Variants in FHIP2A observed in about 807,000 individuals in gnomAD.
FHIP2A encodes the protein FHF complex subunit HOOK interacting protein 2A.
FHIP2A carries 46 observed loss-of-function variants against 93.5 expected under a neutral mutation model. The observed-to-expected ratio is 0.49, with a 90% CI of 0.39 to 0.63. The LOEUF (loss-of-function observed/expected upper bound fraction) is 0.63. Among genes scored for constraint, FHIP2A ranks in the 20% least tolerant of loss-of-function variants. The pLI is 0.00. For synonymous variants in FHIP2A, 332 were observed against 326.5 expected (o/e 1.02, Z -0.18); for missense variants, 769 against 909.7 (o/e 0.85, Z 1.99).
At chr10:114,894,146 T>C (rs936098217) in intron 16 of FHIP2A, among the ~76,000 whole-genome samples, 4 of 152,188 alleles carry the variant, frequency 2.6e-5, no homozygotes, top group Non-Finnish European at 1.5e-5. Flanking sequence ...TGAGTTCTTC[T>C]TTTATGATTC....
chr10:114,828,278 A>G (rs1374397904), intron 1 of FHIP2A, among the ~76,000 whole-genome samples: 2 of 152,196 alleles, frequency 1.3e-5, no homozygotes, highest in African/African-American at 4.8e-5. Flanking sequence ...GTAACCTACA[A>G]CAAGGGTCCT....
intron 10 of FHIP2A, 68 bp downstream of exon 10, chr10:114,846,435 C>A (rs1418873470): frequency 8.2e-6 from 12 of 1,467,816 alleles, no homozygotes; most frequent in Non-Finnish European, 1.1e-5. Context: ...TATTATACTT[C>A]AGATATTTTC....
intron 14 of FHIP2A, 129 bp from the exon 15 acceptor site, chr10:114,860,620 G>A (rs2083791984): frequency 4.1e-6 from 3 of 731,682 alleles, no homozygotes; most frequent in Admixed American, 2.1e-5. Flanking sequence ...CCAAAGTACT[G>A]GGATTACAGG....
chr10:114,859,318 C>T (rs968873212), intron 14 of FHIP2A, among the ~76,000 whole-genome samples: 1 of 152,152 alleles, frequency 6.6e-6, no homozygotes, highest in Admixed American at 6.5e-5. Context: ...AGTAAAATGC[C>T]GAAGTCTGTA....
chr10:114,830,221 C>CA (rs1397001107), intron 1 of FHIP2A, among the ~76,000 whole-genome samples: 1 of 149,578 alleles, frequency 6.7e-6, no homozygotes, highest in Non-Finnish European at 1.5e-5. Context: ...ACTGATATGT[C>CA]AGTAATAGAA....
Position 114,853,726 on chromosome 10 carries a change from C to T in FHIP2A, c.1804-1471C>T, listed in dbSNP as rs1373866629. ...TAAAAATTGAGATTTGGGCCAGGCG[C>T]GGTGGCTCATGCCTGTAATCCTAGC... On this transcript the variant is annotated intron_variant, in intron 13 of 16. Coordinates refer to ENST00000369248, the MANE Select transcript of FHIP2A (RefSeq NM_020940.4). 3.9e-5 allele frequency among the ~76,000 whole-genome samples: 6 copies of T among 152,226 alleles called. No individual in the cohort carries two copies. The East Asian group carries it at 5.8e-4, about 15-fold the overall frequency.
Position 114,863,512 on chromosome 10 carries a change from G to T in FHIP2A, c.*1972G>T. 3.5e-6 allele frequency: 4 copies of T among 1,157,654 alleles called. No individual in the cohort carries two copies. Among genetic ancestry groups the T allele is most frequent in the Non-Finnish European group, 4.3e-6 (4 of 930,494 alleles). The allele number at this position is 1,157,654 out of a possible 1,614,324, so 71.7% of individuals were successfully genotyped here. On this transcript the variant is annotated 3_prime_UTR_variant, in exon 17 of 17. Transcript: ENST00000369248. ...GAAAAGCTTTAACTCTTATATTTGT[G>T]TATATGTATGCTGCTTCTGAAAATA...
At chr10:114,846,795 A>G in intron 11 of FHIP2A, 67 bp downstream of exon 11, 1 of 1,368,546 alleles carries the variant, frequency 7.3e-7, no homozygotes, top group South Asian at 1.5e-5. Flanking sequence ...CTCTCCTCTT[A>G]TCTACCTCCC....
chr10:114,862,905 A>T lies in FHIP2A; in HGVS notation c.*1365A>T. 2.0e-6 allele frequency: 2 copies of T among 985,410 alleles called. No individual in the cohort carries two copies. Among genetic ancestry groups the T allele is most frequent in the Non-Finnish European group, 2.4e-6 (2 of 829,924 alleles). 61.0% of individuals were successfully genotyped at this position (985,410 alleles called of 1,614,324 possible). A position where few individuals can be genotyped will look rare whatever the true frequency, so the allele number is the denominator to read the frequency against. On this transcript the variant is annotated 3_prime_UTR_variant, in exon 17 of 17. Transcript: ENST00000369248. Reference sequence around the variant, plus strand: ...ACTACCCCCTCTAGGAAGTTATTTTATGTAGCATGTTTGCATATACGCATT... The same window carrying T: ...ACTACCCCCTCTAGGAAGTTATTTTTTGTAGCATGTTTGCATATACGCATT...
chr10:114,843,987 A>G lies in FHIP2A; in HGVS notation c.1013+50A>G, dbSNP rs2083685522. 2.2e-6 allele frequency: 3 copies of G among 1,388,310 alleles called. No individual in the cohort carries two copies. The African/African-American group carries it at 4.4e-5, about 20-fold the overall frequency. The allele number at this position is 1,388,310 out of a possible 1,614,324, so 86.0% of individuals were successfully genotyped here. On this transcript the variant is annotated intron_variant, in intron 7 of 16. Coordinates refer to ENST00000369248, the MANE Select transcript of FHIP2A (RefSeq NM_020940.4). ...CCATAAAGGTGACTTCTTAACACCT[A>G]CATTTTAAAATCCATTTCTATTTTG...
chr10:114,823,660 A>G (rs907535237), intron 1 of FHIP2A, among the ~76,000 whole-genome samples: 6 of 120,010 alleles, frequency 5.0e-5, no homozygotes, highest in African/African-American at 1.7e-4. Flanking sequence ...ACACACGGCT[A>G]ATTTTTTTTT....
chr10:114,897,930 T>C (rs1249057690), intron 16 of FHIP2A, among the ~76,000 whole-genome samples: 1 of 152,178 alleles, frequency 6.6e-6, no homozygotes, highest in East Asian at 1.9e-4. Flanking sequence ...TCATTGGGAC[T>C]GTGACTGAAC....
rs879848758 is a variant in FHIP2A, at chr10:114,875,914, A to G, written c.2192+14580A>G. Among the ~76,000 whole-genome samples, 375 of 90,808 alleles carry G rather than the reference A, an allele frequency of 4.1e-3. 9 individuals carry two copies. Among genetic ancestry groups the G allele is most frequent in the African/African-American group, 7.4e-3 (197 of 26,508 alleles). 59.6% of individuals were successfully genotyped at this position (90,808 alleles called of 152,430 possible). On this transcript the variant is annotated intron_variant, in intron 16 of 16. Coordinates refer to the FHIP2A transcript ENST00000369250. ...AGAGAGAAAGAAATAAAGAAAGAGA[A>G]AGAAAGAAAGAAAGAAAGAGAAAGA...
chr10:114,894,801 A>AGC (rs139464451), intron 16 of FHIP2A, among the ~76,000 whole-genome samples: 1 of 151,916 alleles, frequency 6.6e-6, no homozygotes, highest in Non-Finnish European at 1.5e-5. Flanking sequence ...CAACAAAAAA[A>AGC]CTGGGAACGA....
rs960306803 is a variant in FHIP2A at position 114,836,336 on chromosome 10, C to T, written c.522+90C>T. 1.7e-5 allele frequency: 18 copies of T among 1,068,072 alleles called. No individual in the cohort carries two copies. The African/African-American group carries it at 2.7e-4, about 16-fold the overall frequency. The allele number at this position is 1,068,072 out of a possible 1,614,324, so 66.2% of individuals were successfully genotyped here. A position where few individuals can be genotyped will look rare whatever the true frequency, so the allele number is the denominator to read the frequency against. ...TATGTGAATAATATTAGAAGGAGCT[C>T]TGTTTTGCAGGTTATTAGCTTGTTT... On this transcript the variant is annotated intron_variant, in intron 5 of 16. Coordinates refer to ENST00000369248, the MANE Select transcript of FHIP2A (RefSeq NM_020940.4).
In FHIP2A at chr10:114,846,263, T is replaced by C. The variant is rs765028332; in HGVS notation, c.1294T>C (p.Phe432Leu). ...TGATGTTTTGCTTCAAGAAATGGTG[T>C]TTTTTATCCTTGGAGAACAGAGGGA... ...TSDVLLQEMV[F>L]FILGEQREPE... Residue 432 changes from phenylalanine to leucine, a missense_variant, in exon 10 of 17, where the codon TTT (phenylalanine) becomes CTT (leucine). Coordinates refer to ENST00000369248, the MANE Select transcript of FHIP2A (RefSeq NM_020940.4). 2.5e-6 allele frequency: 4 copies of C among 1,614,030 alleles called. No homozygotes were observed. Among genetic ancestry groups the C allele is most frequent in the Middle Eastern group, 1.6e-4 (1 of 6,084 alleles).
intron 13 of FHIP2A, among the ~76,000 whole-genome samples, chr10:114,850,145 G>T (rs7903663): frequency 1.3e-5 from 2 of 151,956 alleles, no homozygotes; most frequent in Non-Finnish European, 2.9e-5. Flanking sequence ...GATGGGTCAC[G>T]TGGTAATTCT....
At chr10:114,848,882 C>G in intron 13 of FHIP2A, 145 bp downstream of exon 13, 3 of 597,004 alleles carry the variant, frequency 5.0e-6, no homozygotes, top group South Asian at 4.1e-5. Context: ...GTGTCTCACA[C>G]CTGTAATCCC....
intron 16 of FHIP2A, among the ~76,000 whole-genome samples, chr10:114,893,296 A>C (rs1279776719): frequency 1.3e-5 from 2 of 152,230 alleles, no homozygotes; most frequent in Non-Finnish European, 2.9e-5. Flanking sequence ...GAAAAGGTTG[A>C]TTGTTCTATA....
Sources: allele counts gnomAD v4.1 joint callset (sites outside exome capture counted in the v4.1 genomes callset), GRCh38; gene constraint gnomAD v4.1.1; transcripts MANE v1.5; gene names NCBI Gene and HGNC (gene_info 2026-07-23, HGNC 2026-07-21).